The following HIVEP3 variants were observed in gnomAD, a reference collection of about 807,000 sequenced individuals.
HIVEP3 encodes the protein HIVEP zinc finger 3, also known as transcription factor HIVEP3.
HIVEP3 carries 49 observed loss-of-function variants against 152.8 expected under a neutral mutation model. The ratio of observed to expected loss-of-function variants is 0.32; its 90% CI spans 0.26 to 0.41. The LOEUF (loss-of-function observed/expected upper bound fraction) is 0.41, where lower values mean the gene tolerates loss of function less well. Among genes scored for constraint, HIVEP3 ranks in the 10% least tolerant of loss-of-function variants. The probability of loss-of-function intolerance (pLI) is 1.00; values close to 1 mark genes in which losing one functional copy is unlikely to be tolerated. For missense variants in HIVEP3, 2,790 were observed against 3,103.3 expected (o/e 0.90, Z 2.40); for synonymous variants, 1,269 against 1,289.0 (o/e 0.98, Z 0.33).
chr1:41,550,749 T>C (rs1350129421), intron 5 of HIVEP3, among the ~76,000 whole-genome samples: 1 of 152,242 alleles, frequency 6.6e-6, no homozygotes, highest in Non-Finnish European at 1.5e-5. Flanking sequence ...TTGCTGAAGT[T>C]GCTTATCAGC....
chr1:41,995,353 T>C (rs1336915408), intron 1 of HIVEP3, among the ~76,000 whole-genome samples: 1 of 152,184 alleles, frequency 6.6e-6, no homozygotes, highest in Non-Finnish European at 1.5e-5. Context: ...GACAATAAAA[T>C]GATATCTTCA....
In HIVEP3 at chr1:41,582,103, C is replaced by T; in HGVS notation, c.2695G>A (p.Glu899Lys). The change falls in exon 4 of 9, where the codon GAG becomes AAG. Residue 899 changes from glutamate to lysine, a missense_variant. Transcript: ENST00000372583. This position sits in a 1 kb window ranked among gnomAD's most constrained non-coding sequence, Gnocchi z 4.7. ...CTCTTCTTTTTGGGTGGCAGCTTCTCAGCTGGGAGCTGGGCAAGTGTCTGG... is the reference window on the plus strand; with the variant it reads ...CTCTTCTTTTTGGGTGGCAGCTTCTTAGCTGGGAGCTGGGCAAGTGTCTGG... The part of the protein sequence containing the change: ...RSQTLAQLPA[E>K]KLPPKKKRLR... 1 of 1,614,188 alleles carries T rather than the reference C, an allele frequency of 6.2e-7. No homozygotes were observed. Among genetic ancestry groups the T allele is most frequent in the Non-Finnish European group, 8.5e-7 (1 of 1,180,034 alleles).
At chr1:41,929,726 T>TATATATATATATATATA (rs1553135852) in intron 1 of HIVEP3, among the ~76,000 whole-genome samples, 4,120 of 112,052 alleles carry the variant, frequency 0.037, 415 homozygotes, top group African/African-American at 0.063. Flanking sequence ...ATATGTGTTT[T>TATATATATATATATATA]TATATATATA....
chr1:41,747,617 T>C (rs1446642935), intron 1 of HIVEP3, among the ~76,000 whole-genome samples: 1 of 152,258 alleles, frequency 6.6e-6, no homozygotes, highest in Non-Finnish European at 1.5e-5. Flanking sequence ...ATATGCAGTT[T>C]GATTTTAGTT....
chr1:41,885,257 C>T (rs1457834632), intron 1 of HIVEP3, among the ~76,000 whole-genome samples: 6 of 152,134 alleles, frequency 3.9e-5, no homozygotes, highest in Admixed American at 1.3e-4. Flanking sequence ...GTGAGCTTTC[C>T]GTTTCCTGCT....
At chr1:41,970,533 G>A (rs1645223069) in intron 1 of HIVEP3, among the ~76,000 whole-genome samples, 1 of 152,152 alleles carries the variant, frequency 6.6e-6, no homozygotes, top group Non-Finnish European at 1.5e-5. Context: ...GGGGCCTGTT[G>A]AGGGGAGAGA....
At chr1:41,980,012 C>A (rs1233020531) in intron 1 of HIVEP3, among the ~76,000 whole-genome samples, 4 of 152,164 alleles carry the variant, frequency 2.6e-5, no homozygotes, top group Admixed American at 6.5e-5. Flanking sequence ...AGCAAAGAAG[C>A]AAGGCAGGGC....
chr1:41,607,064 T>C (rs1381574331), intron 3 of HIVEP3, among the ~76,000 whole-genome samples: 3 of 152,116 alleles, frequency 2.0e-5, no homozygotes, highest in African/African-American at 7.2e-5. Context: ...GCTTAGGCAA[T>C]CCTCCCACCT....
intron 3 of HIVEP3, among the ~76,000 whole-genome samples, chr1:41,621,553 C>T (rs1645047514): frequency 6.6e-6 from 1 of 152,214 alleles, no homozygotes; most frequent in East Asian, 1.9e-4. Context: ...CTTGCTGTGT[C>T]CCTCAGGCTG....
intron 3 of HIVEP3, among the ~76,000 whole-genome samples, chr1:41,623,310 G>T (rs1645071233): frequency 6.6e-6 from 1 of 152,220 alleles, no homozygotes; most frequent in African/African-American, 2.4e-5. Flanking sequence ...AAACAAGGCT[G>T]CCCCTCTCCA....
chr1:41,724,071 G>A (rs12567875), intron 1 of HIVEP3, among the ~76,000 whole-genome samples: 472 of 152,260 alleles, frequency 3.1e-3, no homozygotes, highest in African/African-American at 0.011. Context: ...ATATCATGAG[G>A]GGGGAGGGGC....
At chr1:41,523,129 A>C (rs1415687941) in intron 6 of HIVEP3, among the ~76,000 whole-genome samples, 2 of 152,216 alleles carry the variant, frequency 1.3e-5, no homozygotes, top group South Asian at 2.1e-4. Flanking sequence ...CGTCCATTGA[A>C]TTGTCAGTCA....
Position 41,719,956 on chromosome 1 carries a change from G to C in HIVEP3, c.-800-18961C>G, listed in dbSNP as rs1167120684. On this transcript the variant is annotated intron_variant, in intron 1 of 8. Coordinates refer to ENST00000372583, the MANE Select transcript of HIVEP3 (RefSeq NM_024503.5). Reference sequence around the variant, plus strand: ...GCCAGGCTGTCTCTTGCCCTAAGTTGCACAGGCCAAGAACAGAAGCTAAGA... The same window carrying C: ...GCCAGGCTGTCTCTTGCCCTAAGTTCCACAGGCCAAGAACAGAAGCTAAGA... 2.0e-5 allele frequency among the ~76,000 whole-genome samples: 3 copies of C among 152,294 alleles called. No individual in the cohort carries two copies. The East Asian group carries it at 5.8e-4, about 29-fold the overall frequency.
chr1:41,708,353 C>T lies in HIVEP3; in HGVS notation c.-800-7358G>A, dbSNP rs929498109. On this transcript the variant is annotated intron_variant, in intron 1 of 8. Coordinates refer to ENST00000372583, the MANE Select transcript of HIVEP3 (RefSeq NM_024503.5). ...GCCCACTTGGCACCCCTTCTCCCCA[C>T]TTTGGCAATAGCATTCTGATTTCAT... 2.0e-5 allele frequency among the ~76,000 whole-genome samples: 3 copies of T among 152,294 alleles called. No homozygotes were observed. The East Asian group carries it at 5.8e-4, about 29-fold the overall frequency.
At chr1:41,816,890 C>G (rs1651305553) in intron 1 of HIVEP3, among the ~76,000 whole-genome samples, 1 of 152,298 alleles carries the variant, frequency 6.6e-6, no homozygotes, top group African/African-American at 2.4e-5. Flanking sequence ...TCGTCCCCAC[C>G]CTTCCAGATT....
At chr1:41,888,562 T>G (rs12759780) in intron 1 of HIVEP3, among the ~76,000 whole-genome samples, 127,751 of 151,778 alleles carry the variant, frequency 0.84, 54,201 homozygotes, top group African/African-American at 0.89. Flanking sequence ...ACTGAGGTGT[T>G]AGGCCTTGTA....
chr1:41,618,492 C>T (rs571282930), intron 3 of HIVEP3, among the ~76,000 whole-genome samples: 8 of 152,168 alleles, frequency 5.3e-5, no homozygotes, highest in South Asian at 2.1e-4. Flanking sequence ...AGCCTCCTAC[C>T]GAGGCCCAGT....
intron 5 of HIVEP3, chr1:41,541,994 T>C (rs965606260): frequency 1.3e-5 from 2 of 152,282 alleles, no homozygotes; most frequent in Non-Finnish European, 2.9e-5. Context: ...ATATAGGTTA[T>C]GTGCTTGGAA....
At chr1:41,771,926 A>C (rs1437616860) in intron 1 of HIVEP3, among the ~76,000 whole-genome samples, 1 of 152,066 alleles carries the variant, frequency 6.6e-6, no homozygotes, top group African/African-American at 2.4e-5. Context: ...TGGCCTCCAA[A>C]AGTGCTGGGA....
Sources: gnomAD v4.1 joint callset for allele counts (sites outside exome capture counted in the v4.1 genomes callset) on GRCh38, gnomAD v4.1.1 for gene constraint, Gnocchi (gnomAD v3.1) non-coding constraint, MANE v1.5 for transcripts, NCBI Gene and HGNC (gene_info 2026-07-23, HGNC 2026-07-21) for gene names.